FBXL7: variants seen among roughly 807,000 people sequenced by gnomAD.
FBXL7 encodes the protein F-box and leucine rich repeat protein 7, also known as F-box/LRR-repeat protein 7.
A neutral mutation model predicts 38.3 loss-of-function variants in FBXL7; 12 were observed. The ratio of observed to expected loss-of-function variants is 0.31; its 90% confidence interval spans 0.20 to 0.51. The LOEUF is 0.51. Among genes scored for constraint, FBXL7 ranks in the 20% least tolerant of loss-of-function variants. FBXL7 has a pLI of 0.98. For synonymous variants in FBXL7, 297 were observed against 300.9 expected, an observed-to-expected ratio of 0.99 and a Z score of 0.13; for missense variants, 567 against 676.4, an observed-to-expected ratio of 0.84 and a Z score of 1.79.
chr5:15,585,471 G>A (rs968981299), intron 1 of FBXL7, among the ~76,000 whole-genome samples: 7 of 152,152 alleles, frequency 4.6e-5, no homozygotes, highest in African/African-American at 9.7e-5. Flanking sequence ...AGAATGAACC[G>A]TTCAAAATTA....
chr5:15,636,403 A>G (rs539425845), intron 2 of FBXL7, among the ~76,000 whole-genome samples: 40 of 152,152 alleles, frequency 2.6e-4, no homozygotes, highest in African/African-American at 9.2e-4. Flanking sequence ...TCAGCAGTCT[A>G]TGAACACCTC....
In FBXL7 at chr5:15,883,313, T is replaced by C. The variant is rs371265258; in HGVS notation, c.128-44577T>C. 4.3e-4 allele frequency among the ~76,000 whole-genome samples: 66 copies of C among 152,340 alleles called. 2 individuals carry two copies. The South Asian group carries it at 0.013, about 31-fold the overall frequency. ...AGAAGTTTTAAGGTTTGATTTGTTT[T>C]TCTTTAATTTTTGTTTTTTCTGGAA... On this transcript the variant is annotated intron_variant, in intron 2 of 3. Coordinates refer to ENST00000504595, the MANE Select transcript of FBXL7 (RefSeq NM_012304.5).
chr5:15,674,171 T>C (rs1742576718), intron 2 of FBXL7, among the ~76,000 whole-genome samples: 1 of 152,216 alleles, frequency 6.6e-6, no homozygotes, highest in South Asian at 2.1e-4. Context: ...GATTAAGAAC[T>C]AGTGATAATT....
chr5:15,606,219 C>T (rs1181938134), intron 1 of FBXL7, among the ~76,000 whole-genome samples: 3 of 152,064 alleles, frequency 2.0e-5, no homozygotes, highest in Non-Finnish European at 4.4e-5. Context: ...TTAACTCTGA[C>T]CCGTTATCCT....
chr5:15,868,987 G>A (rs922479958), intron 2 of FBXL7, among the ~76,000 whole-genome samples: 1 of 152,084 alleles, frequency 6.6e-6, no homozygotes, highest in Non-Finnish European at 1.5e-5. Flanking sequence ...GTCTTTGTGG[G>A]CCAGGAATCC....
chr5:15,682,235 C>T (rs1742865284), intron 2 of FBXL7, among the ~76,000 whole-genome samples: 1 of 152,198 alleles, frequency 6.6e-6, no homozygotes, highest in South Asian at 2.1e-4. Context: ...AGAAGAGATA[C>T]TGTCGAGGTT....
chr5:15,678,727 A>G (rs749801599), intron 2 of FBXL7, among the ~76,000 whole-genome samples: 1 of 151,928 alleles, frequency 6.6e-6, no homozygotes, highest in Non-Finnish European at 1.5e-5. Flanking sequence ...TTTATAAGGG[A>G]TTTCCCTTTT....
At chr5:15,803,856 G>A (rs1416705877) in intron 2 of FBXL7, among the ~76,000 whole-genome samples, 1 of 152,192 alleles carries the variant, frequency 6.6e-6, no homozygotes, top group Non-Finnish European at 1.5e-5. Context: ...TAGATGTGTA[G>A]GGGGTCACAT....
At chr5:15,547,592 G>C (rs76625601) in intron 1 of FBXL7, among the ~76,000 whole-genome samples, 13 of 152,258 alleles carry the variant, frequency 8.5e-5, no homozygotes, top group Non-Finnish European at 1.9e-4. Flanking sequence ...AAAGGGGCCT[G>C]GGCTGAATAG....
At chr5:15,613,954 G>A (rs535580605) in intron 1 of FBXL7, among the ~76,000 whole-genome samples, 7 of 152,250 alleles carry the variant, frequency 4.6e-5, no homozygotes, top group African/African-American at 1.4e-4. Flanking sequence ...GTGTCCTCAC[G>A]TGGCAGAAGG....
intron 1 of FBXL7, among the ~76,000 whole-genome samples, chr5:15,515,969 A>G (rs988275721): frequency 6.6e-6 from 1 of 152,234 alleles, no homozygotes; most frequent in African/African-American, 2.4e-5. Flanking sequence ...TATTATCACT[A>G]CTACGGGGAT....
At chr5:15,912,417 C>T (rs866243720) in intron 2 of FBXL7, among the ~76,000 whole-genome samples, 7 of 144,564 alleles carry the variant, frequency 4.8e-5, no homozygotes, top group Middle Eastern at 3.4e-3. Flanking sequence ...GGCCTGCGCC[C>T]ACTGTCTGGC....
intron 1 of FBXL7, among the ~76,000 whole-genome samples, chr5:15,613,132 T>C (rs1363021936): frequency 1.3e-5 from 2 of 152,208 alleles, no homozygotes. Context: ...ATAATGTTAT[T>C]TGCCTTATTA....
At chr5:15,569,399 A>G (rs1389360004) in intron 1 of FBXL7, among the ~76,000 whole-genome samples, 90 of 150,876 alleles carry the variant, frequency 6.0e-4, no homozygotes, top group African/African-American at 2.0e-3. Context: ...TTTGTCTGTT[A>G]TTGGTGTATA....
At chr5:15,838,740 C>T (rs1316541637) in intron 2 of FBXL7, among the ~76,000 whole-genome samples, 1 of 152,128 alleles carries the variant, frequency 6.6e-6, no homozygotes, top group African/African-American at 2.4e-5. Context: ...CCTTTATTGA[C>T]ATCTCTTCCT....
chr5:15,761,432 A>C (rs1027061459), intron 2 of FBXL7, among the ~76,000 whole-genome samples: 15 of 152,228 alleles, frequency 9.9e-5, no homozygotes, highest in Admixed American at 2.6e-4. Context: ...GGTAGGAAAC[A>C]AAAGATTTAT....
At chr5:15,933,708 A>G (rs115436919) in intron 3 of FBXL7, among the ~76,000 whole-genome samples, 2 of 152,252 alleles carry the variant, frequency 1.3e-5, no homozygotes, top group African/African-American at 4.8e-5. Context: ...TTTGAACCTC[A>G]TTATTCCCAG....
chr5:15,886,521 A>G (rs913044645), intron 2 of FBXL7, among the ~76,000 whole-genome samples: 6 of 152,140 alleles, frequency 3.9e-5, no homozygotes, highest in African/African-American at 1.2e-4. Context: ...AGCAACCCCA[A>G]TGTATGTTGC....
At chr5:15,520,389 T>C (rs1737064878) in intron 1 of FBXL7, among the ~76,000 whole-genome samples, 1 of 152,200 alleles carries the variant, frequency 6.6e-6, no homozygotes, top group African/African-American at 2.4e-5. Context: ...ATGAACTTTT[T>C]AATAGTTCTA....
Sources: allele counts gnomAD v4.1 joint callset (sites outside exome capture counted in the v4.1 genomes callset), GRCh38; gene constraint gnomAD v4.1.1; transcripts MANE v1.5; gene names NCBI Gene and HGNC (gene_info 2026-07-23, HGNC 2026-07-21).